The following TNRC6C variants were observed in gnomAD, a reference collection of about 807,000 sequenced individuals.
The protein encoded by TNRC6C is trinucleotide repeat-containing gene 6C protein.
Under a neutral mutation model 153.7 loss-of-function variants are expected in TNRC6C, and 20 were observed. The ratio of observed to expected loss-of-function variants is 0.13; its 90% CI spans 0.09 to 0.19. The LOEUF is 0.19. Among genes scored for constraint, TNRC6C ranks in the 10% least tolerant of loss-of-function variants. TNRC6C has a pLI of 1.00. For missense variants in TNRC6C, 1,987 were observed against 2,172.0 expected (o/e 0.91, Z 1.69); for synonymous variants, 811 against 841.4 (o/e 0.96, Z 0.63).
At chr17:78,105,538 A>G (rs968592540) in exon 20 of TNRC6C, 2 of 152,258 alleles carry the variant, frequency 1.3e-5, no homozygotes, top group Non-Finnish European at 2.9e-5. Context: ...TTCTAATTCT[A>G]CACTTCCAGG....
chr17:78,040,619 G>A (rs1268144449), intron 2 of TNRC6C, among the ~76,000 whole-genome samples: 2 of 152,158 alleles, frequency 1.3e-5, no homozygotes, highest in Admixed American at 6.5e-5. Context: ...GGATGAGAGA[G>A]CCGCAGTTTA....
chr17:78,086,469 A>G (rs2073292086), intron 11 of TNRC6C, 34 bp from the exon 14 acceptor site: 3 of 1,586,618 alleles, frequency 1.9e-6, no homozygotes, highest in Non-Finnish European at 2.6e-6. Context: ...ACACTTAATT[A>G]TCATACTATT....
chr17:78,084,378 C>T (rs1037059845), intron 11 of TNRC6C, among the ~76,000 whole-genome samples: 1 of 148,378 alleles, frequency 6.7e-6, no homozygotes, highest in Non-Finnish European at 1.5e-5. Flanking sequence ...TGGCATAAAA[C>T]CTTTGCTAAT....
At position 78,049,411 on chromosome 17, in the gene TNRC6C, A is replaced by G; in HGVS notation, c.349A>G (p.Thr117Ala). ...CTGGCCTGTACTTGGACATGAAGGAACCGTGGCGACAGGCAACCCTTCCAG... is the reference window on the plus strand; with the variant it reads ...CTGGCCTGTACTTGGACATGAAGGAGCCGTGGCGACAGGCAACCCTTCCAG... Residue 117 changes from threonine to alanine, a missense_variant, in exon 3 of 20, where the codon ACC becomes GCC. Coordinates refer to ENST00000301624, the Ensembl canonical transcript of TNRC6C. This position sits in a 1 kb window ranked among gnomAD's most constrained non-coding sequence, Gnocchi z 4.1. 2 of 1,614,018 alleles carry G rather than the reference A, an allele frequency of 1.2e-6. No homozygotes were observed. The highest frequency in any genetic ancestry group is 1.1e-5 in the South Asian group (1 of 91,084).
At chr17:78,066,298 G>A (rs1361528796) in intron 4 of TNRC6C, 3 of 151,014 alleles carry the variant, frequency 2.0e-5, no homozygotes, top group African/African-American at 4.9e-5. Context: ...ATTATTAGAT[G>A]TCCTAGATCT....
intron 1 of TNRC6C, among the ~76,000 whole-genome samples, chr17:77,969,624 G>A (rs2070925417): frequency 6.6e-6 from 1 of 151,938 alleles, no homozygotes; most frequent in African/African-American, 2.4e-5. Flanking sequence ...CCTATTAAGA[G>A]AAAACTAACG....
chr17:78,077,281 C>CT lies in TNRC6C; in HGVS notation c.3158dup (p.Gly1055TrpfsTer15). 1 of 1,591,896 alleles carries CT rather than the reference C, an allele frequency of 6.3e-7. No individual in the cohort carries two copies. Among genetic ancestry groups the CT allele is most frequent in the Non-Finnish European group, 8.6e-7 (1 of 1,169,290 alleles). On this transcript the variant is annotated frameshift_variant, in exon 9 of 20. Transcript: ENST00000301624. LOFTEE classifies it high-confidence loss of function. Reference sequence around the variant, plus strand: ...ACACAGTGCACTCCCCAGTCAGGCCCTGGGTGGGATTGCCTCCGGGCTGGG... The same window carrying CT: ...ACACAGTGCACTCCCCAGTCAGGCCCTTGGGTGGGATTGCCTCCGGGCTGGG...
chr17:78,083,693 C>A (rs1045100928), intron 11 of TNRC6C, among the ~76,000 whole-genome samples: 21 of 152,186 alleles, frequency 1.4e-4, no homozygotes, highest in Admixed American at 1.4e-3. Context: ...AGAAAAATTG[C>A]TTTATTACAT....
At chr17:78,054,990 C>G (rs1259710300) in intron 3 of TNRC6C, among the ~76,000 whole-genome samples, 1 of 151,422 alleles carries the variant, frequency 6.6e-6, no homozygotes. Context: ...TACCATACAC[C>G]ACTGCGGACT....
chr17:78,051,524 A>G (rs1054668606), intron 3 of TNRC6C, 76 bp downstream of exon 5: 1 of 1,327,878 alleles, frequency 7.5e-7, no homozygotes, highest in African/African-American at 1.5e-5. Flanking sequence ...ATATTCATGA[A>G]TACTCCGAGT....
rs372277985 is a variant in TNRC6C at position 78,067,939 on chromosome 17, T to C, written c.2778+16T>C. Reference sequence around the variant, plus strand: ...ACTTCAAAAGGTAAGTACAACACTCTTAACGACGGTACACCCTGAAAACCA... The same window carrying C: ...ACTTCAAAAGGTAAGTACAACACTCCTAACGACGGTACACCCTGAAAACCA... On this transcript the variant is annotated intron_variant, in intron 5 of 19. Transcript: ENST00000301624. The C allele has an allele frequency of 1.0e-5, 16 of 1,593,994 alleles. No individual in the cohort carries two copies. Among genetic ancestry groups the C allele is most frequent in the Non-Finnish European group, 1.4e-5 (16 of 1,171,552 alleles).
exon 16 of TNRC6C, chr17:78,093,636 T>C: frequency 6.2e-7 from 1 of 1,613,920 alleles, no homozygotes; most frequent in Non-Finnish European, 8.5e-7. Context: ...ATCCGGGAGT[T>C]CCATGGAAAG....
At chr17:78,107,334 C>G (rs564150126) in exon 20 of TNRC6C, 1 of 152,278 alleles carries the variant, frequency 6.6e-6, no homozygotes, top group African/African-American at 2.4e-5. Flanking sequence ...GATTAAACAA[C>G]AAGTTCGTGG....
chr17:78,058,965 A>G lies in TNRC6C; in HGVS notation c.2396-5757A>G, dbSNP rs1233006653. ...TTAATCATGGAAGAGGCATATCTCC[A>G]ATTCACTAAACTAAAACTTGGAAAA... On this transcript the variant is annotated intron_variant, in intron 3 of 19. Coordinates refer to ENST00000301624, the Ensembl canonical transcript of TNRC6C. Among the ~76,000 whole-genome samples the G allele has an allele frequency of 3.3e-5, 5 of 152,248 alleles. No individual in the cohort carries two copies. In the East Asian group the frequency reaches 5.8e-4, roughly 18 times the overall value.
intron 2 of TNRC6C, among the ~76,000 whole-genome samples, chr17:78,042,631 G>C (rs1270796976): frequency 6.6e-6 from 1 of 151,112 alleles, no homozygotes; most frequent in East Asian, 1.9e-4. Context: ...AGTAAATCCT[G>C]GTATTCTGAT....
At chr17:78,004,801 A>G (rs368721740), upstream of TNRC6C, among the ~76,000 whole-genome samples, 12 of 152,270 alleles carry the variant, frequency 7.9e-5, no homozygotes, top group East Asian at 1.2e-3. Flanking sequence ...CAGTATACCT[A>G]TTAGAGCCTG....
Position 78,049,810 on chromosome 17 carries a change from G to A in TNRC6C, c.748G>A (p.Gly250Arg), listed in dbSNP as rs1440760314. Residue 250 changes from glycine to arginine, a missense_variant, in exon 3 of 20, where the codon GGA (glycine) becomes AGA (arginine). This residue lies in a region of TNRC6C where 1,052 missense variants were observed against 1,017.0 expected (regional missense o/e 1.03). Transcript: ENST00000301624. This position sits in a 1 kb window ranked among gnomAD's most constrained non-coding sequence, Gnocchi z 4.1. The stretch of plus-strand genomic sequence containing the variant: ...TGAAGGAATAAGCAATTCTGTGTGG[G>A]GACTGTCCCCAGGTAACCCTGCCAC... 2.5e-6 allele frequency: 4 copies of A among 1,608,880 alleles called. No homozygotes were observed. Among genetic ancestry groups the A allele is most frequent in the Non-Finnish European group, 3.4e-6 (4 of 1,176,792 alleles).
chr17:78,095,513 G>A (rs1032611186), intron 16 of TNRC6C, among the ~76,000 whole-genome samples: 2 of 152,222 alleles, frequency 1.3e-5, no homozygotes, highest in African/African-American at 4.8e-5. Context: ...GACTTCCCGG[G>A]TGCTCGACGT....
intron 1 of TNRC6C, among the ~76,000 whole-genome samples, chr17:78,028,234 G>T (rs2071986318): frequency 6.6e-6 from 1 of 152,126 alleles, no homozygotes; most frequent in African/African-American, 2.4e-5. Flanking sequence ...TATTTCTTCT[G>T]CAGAGTAGTC....
Sources: allele counts gnomAD v4.1 joint callset (sites outside exome capture counted in the v4.1 genomes callset), GRCh38; gene constraint gnomAD v4.1.1; regional missense constraint gnomAD v4.1.1; non-coding constraint Gnocchi (gnomAD v3.1); transcripts MANE v1.5; gene names NCBI Gene and HGNC (gene_info 2026-07-23, HGNC 2026-07-21).